LRP5: variants seen among roughly 807,000 people sequenced by gnomAD.
The protein encoded by LRP5 is low-density lipoprotein receptor-related protein 5.
A neutral mutation model predicts 154.1 loss-of-function variants in LRP5; 62 were observed. That is an observed-to-expected ratio of 0.40 (90% CI 0.33 to 0.50). LRP5 has a LOEUF of 0.50. Ranked by LOEUF, LRP5 falls within the 20% of genes least tolerant of loss-of-function variation. The pLI, the probability that LRP5 is intolerant of heterozygous loss-of-function variation, is 0.55. For synonymous variants in LRP5, 966 were observed against 1,011.5 expected (o/e 0.96, Z 0.85); for missense variants, 1,915 against 2,336.7 (o/e 0.82, Z 3.72).
intron 3 of LRP5, 47 bp from the exon 4 acceptor site, chr11:68,363,700 C>T (rs761904868): frequency 1.2e-5 from 18 of 1,482,168 alleles, no homozygotes; most frequent in East Asian, 4.6e-5. Context: ...CAATGACTGT[C>T]GGGGGACCCT....
rs2098630329 is a variant in LRP5, at chr11:68,365,283, C to T, written c.884-288C>T. ...GGAGGAAGCAGATGGGGAGATGTCACTCCATGGGCAGGTCACATCTGGGTG... is the reference window on the plus strand; with the variant it reads ...GGAGGAAGCAGATGGGGAGATGTCATTCCATGGGCAGGTCACATCTGGGTG... On this transcript the variant is annotated intron_variant, in intron 4 of 22. Transcript: ENST00000294304. 4.6e-5 allele frequency among the ~76,000 whole-genome samples: 7 copies of T among 151,600 alleles called. No homozygotes were observed. The South Asian group carries it at 1.2e-3, about 27-fold the overall frequency.
intron 5 of LRP5, among the ~76,000 whole-genome samples, chr11:68,366,694 G>C (rs1245349421): frequency 2.0e-5 from 3 of 152,158 alleles, no homozygotes; most frequent in Non-Finnish European, 4.4e-5. Flanking sequence ...TACATCAAAG[G>C]GTCTGTCCGC....
At chr11:68,351,661 C>T (rs903292580) in intron 2 of LRP5, among the ~76,000 whole-genome samples, 3 of 152,210 alleles carry the variant, frequency 2.0e-5, no homozygotes, top group Non-Finnish European at 4.4e-5. Flanking sequence ...TTTGTGAGCC[C>T]TTGCGCCTGG....
upstream of LRP5, among the ~76,000 whole-genome samples, chr11:68,308,172 C>T (rs2098585105): frequency 6.6e-6 from 1 of 152,256 alleles, no homozygotes; most frequent in South Asian, 2.1e-4. Flanking sequence ...ACTGGGGCCT[C>T]CTCCGGCGCT....
intron 7 of LRP5, among the ~76,000 whole-genome samples, chr11:68,400,352 G>A (rs2098651956): frequency 6.6e-6 from 1 of 152,094 alleles, no homozygotes; most frequent in Admixed American, 6.5e-5. Flanking sequence ...AGTTCAACAT[G>A]TCTGGAAGTT....
chr11:68,373,841 G>A (rs1205299321), intron 5 of LRP5, among the ~76,000 whole-genome samples: 2 of 152,232 alleles, frequency 1.3e-5, no homozygotes, highest in Non-Finnish European at 2.9e-5. Flanking sequence ...ATCCTCTGTG[G>A]AACGTGCCCC....
intron 1 of LRP5, among the ~76,000 whole-genome samples, chr11:68,320,610 C>T (rs1171619729): frequency 7.9e-5 from 12 of 151,900 alleles, no homozygotes; most frequent in African/African-American, 1.9e-4. Flanking sequence ...TACAGGCATG[C>T]GCCACCACGC....
rs1165040247 is a variant in LRP5 at position 68,361,169 on chromosome 11, G to A, written c.687-2578G>A. Among the ~76,000 whole-genome samples the A allele has an allele frequency of 1.4e-4, 20 of 148,036 alleles. 1 individual carries two copies. In the South Asian group the frequency reaches 3.0e-3, roughly 22 times the overall value. On this transcript the variant is annotated intron_variant, in intron 3 of 22. Transcript: ENST00000294304. ...AAATACAAAAAATTAGCCGGGCATC[G>A]TGGTGGGCACCTGTAGTCCCAGCTA...
intron 2 of LRP5, among the ~76,000 whole-genome samples, chr11:68,349,775 G>T (rs2098616749): frequency 1.3e-5 from 2 of 152,178 alleles, no homozygotes; most frequent in African/African-American, 4.8e-5. Context: ...CGAGCAGAGG[G>T]AACAGTTTGC....
At chr11:68,321,615 G>A (rs761252442) in intron 1 of LRP5, among the ~76,000 whole-genome samples, 3 of 152,074 alleles carry the variant, frequency 2.0e-5, no homozygotes, top group Non-Finnish European at 4.4e-5. Flanking sequence ...CCTTTGTGCC[G>A]ACTTGCCCGA....
intron 21 of LRP5, among the ~76,000 whole-genome samples, chr11:68,442,835 G>T (rs2098678913): frequency 1.3e-5 from 2 of 152,214 alleles, no homozygotes; most frequent in Admixed American, 1.3e-4. Flanking sequence ...AGGCAGTGGG[G>T]CCAGGCCATC....
At position 68,406,508 on chromosome 11, in the gene LRP5, C is replaced by G. The variant is rs1284857527; in HGVS notation, c.1802-16C>G. ...GCTGTTGATGTTTAGACTGGAGCCT[C>G]TGTGTTCGCTTCCAGGAACCAACCC... On this transcript the variant is annotated splice_polypyrimidine_tract_variant and intron_variant, in intron 8 of 22. Transcript: ENST00000294304. The G allele has an allele frequency of 6.2e-7, 1 of 1,613,980 alleles. No individual in the cohort carries two copies. Among genetic ancestry groups the G allele is most frequent in the Admixed American group, 1.7e-5 (1 of 60,032 alleles).
intron 18 of LRP5, among the ~76,000 whole-genome samples, chr11:68,435,084 G>A (rs1348973066): frequency 6.6e-6 from 1 of 152,204 alleles, no homozygotes; most frequent in African/African-American, 2.4e-5. Flanking sequence ...TTTGCACAAT[G>A]TCTGTGGCTG....
intron 8 of LRP5, 23 bp downstream of exon 8, chr11:68,403,722 C>T (rs1329893583): frequency 6.2e-7 from 1 of 1,612,160 alleles, no homozygotes; most frequent in Non-Finnish European, 8.5e-7. Flanking sequence ...GGTCCCAAGC[C>T]ATGGCTCAGC....
In LRP5 at chr11:68,386,820, C is replaced by T. The variant is rs978074730; in HGVS notation, c.1412+108C>T. On this transcript the variant is annotated intron_variant, in intron 6 of 22. Coordinates refer to ENST00000294304, the MANE Select transcript of LRP5 (RefSeq NM_002335.4). This position sits in a 1 kb window ranked among gnomAD's most constrained non-coding sequence, Gnocchi z 7.9. ...TGGGACACTGTCTTGCATCAGAACC[C>T]GGAGGAGGGCTTGTTAAAACACCGG... 23 of 1,292,840 alleles carry T rather than the reference C, an allele frequency of 1.8e-5. No individual in the cohort carries two copies. The highest frequency in any genetic ancestry group is 1.3e-4 in the African/African-American group (9 of 67,656). The allele number at this position is 1,292,840 out of a possible 1,614,324, so 80.1% of individuals were successfully genotyped here.
In LRP5 at chr11:68,443,444, C is replaced by G. The variant is rs1168732271; in HGVS notation, c.4489-2992C>G. On this transcript the variant is annotated intron_variant, in intron 21 of 22. Transcript: ENST00000294304. ...GGCGGAGGTTGCAGTGAGCCGAGAT[C>G]GCGCCATTGCACTCCAGCCTGGGCG... Among the ~76,000 whole-genome samples the G allele has an allele frequency of 1.6e-4, 22 of 133,970 alleles. 1 individual carries two copies. Among genetic ancestry groups the G allele is most frequent in the African/African-American group, 5.7e-4 (20 of 35,000 alleles). 87.9% of individuals were successfully genotyped at this position (133,970 alleles called of 152,430 possible).
Position 68,363,736 on chromosome 11 carries a change from C to G in LRP5, c.687-11C>G, listed in dbSNP as rs2098629302. 33 of 1,611,102 alleles carry G rather than the reference C, an allele frequency of 2.0e-5. No individual in the cohort carries two copies. Among genetic ancestry groups the G allele is most frequent in the Non-Finnish European group, 2.8e-5 (33 of 1,178,886 alleles). ...CCTGATGGCTCCTCCACCCCGCTTC[C>G]CTGACTGCAGGCAGAAGGTGGTGGA... On this transcript the variant is annotated splice_polypyrimidine_tract_variant and intron_variant, in intron 3 of 22. Transcript: ENST00000294304.
At chr11:68,381,038 G>A (rs1249234923) in intron 5 of LRP5, among the ~76,000 whole-genome samples, 3 of 152,210 alleles carry the variant, frequency 2.0e-5, no homozygotes, top group African/African-American at 7.2e-5. Context: ...CTATATCCAC[G>A]GTGCTGGTGT....
At chr11:68,360,075 C>T (rs1467864986) in intron 3 of LRP5, among the ~76,000 whole-genome samples, 1 of 152,112 alleles carries the variant, frequency 6.6e-6, no homozygotes, top group Non-Finnish European at 1.5e-5. Context: ...AGGCGTGAGC[C>T]ACCACACGCG....
Sources: gnomAD v4.1 joint callset for allele counts (sites outside exome capture counted in the v4.1 genomes callset) on GRCh38, gnomAD v4.1.1 for gene constraint, Gnocchi (gnomAD v3.1) non-coding constraint, MANE v1.5 for transcripts, NCBI Gene and HGNC (gene_info 2026-07-23, HGNC 2026-07-21) for gene names.